The following CLNK variants were observed in gnomAD, a reference collection of about 807,000 sequenced individuals.
CLNK encodes the protein cytokine dependent hematopoietic cell linker, also known as cytokine-dependent hematopoietic cell linker.
Under a neutral mutation model 68.6 loss-of-function variants are expected in CLNK, and 74 were observed. The observed-to-expected ratio is 1.08, with a 90% CI of 0.89 to 1.31. The LOEUF (loss-of-function observed/expected upper bound fraction) is 1.31, where lower values mean the gene tolerates loss of function less well. Among genes scored for constraint, CLNK ranks in the 50% most tolerant of loss-of-function variants. The pLI, the probability that CLNK is intolerant of heterozygous loss-of-function variation, is 0.00. For missense variants in CLNK, 553 were observed against 515.3 expected, an observed-to-expected ratio of 1.07 and a Z score of -0.71; for synonymous variants, 198 against 172.2, an observed-to-expected ratio of 1.15 and a Z score of -1.17.
chr4:10,514,686 C>T (rs568309472), intron 15 of CLNK, among the ~76,000 whole-genome samples: 2,636 of 150,908 alleles, frequency 0.017, 28 homozygotes, highest in Non-Finnish European at 0.027. Context: ...AGGACATAGG[C>T]GTGGGCAAGG....
At chr4:10,689,745 A>ATTTTTTTTTTTTTTTTTTTT (rs71651341), upstream of CLNK, among the ~76,000 whole-genome samples, 43 of 100,072 alleles carry the variant, frequency 4.3e-4, 6 homozygotes, top group Non-Finnish European at 6.4e-4. Context: ...AAACCCATGC[A>ATTTTTTTTTTTTTTTTTTTT]TTTTTTTTTT....
intron 3 of CLNK, 76 bp from the exon 4 acceptor site, chr4:10,585,031 A>G: frequency 7.9e-6 from 12 of 1,509,736 alleles, no homozygotes; most frequent in Non-Finnish European, 1.0e-5. Flanking sequence ...AGGAACAGGC[A>G]GTCATCAAAC....
intron 2 of CLNK, among the ~76,000 whole-genome samples, chr4:10,631,831 G>A (rs1722902154): frequency 6.6e-6 from 1 of 152,194 alleles, no homozygotes; most frequent in South Asian, 2.1e-4. Context: ...GCTCACACAG[G>A]CAAAAGGATT....
chr4:10,504,085 T>TGCAGG (rs1310940747), intron 17 of CLNK, among the ~76,000 whole-genome samples: 2 of 150,236 alleles, frequency 1.3e-5, no homozygotes, highest in African/African-American at 4.9e-5. Flanking sequence ...CCGGCTCATT[T>TGCAGG]GCAGGGTCTT....
At chr4:10,663,823 G>T (rs1724287389) in intron 2 of CLNK, among the ~76,000 whole-genome samples, 1 of 152,150 alleles carries the variant, frequency 6.6e-6, no homozygotes, top group African/African-American at 2.4e-5. Context: ...GGGCTGATTA[G>T]GCCAAGAGGG....
intron 17 of CLNK, among the ~76,000 whole-genome samples, chr4:10,506,180 T>A (rs1717284834): frequency 6.6e-6 from 1 of 152,224 alleles, no homozygotes; most frequent in South Asian, 2.1e-4. Flanking sequence ...TCATTTGACC[T>A]GATGACAAGT....
chr4:10,498,662 G>A (rs1256023000), intron 18 of CLNK, among the ~76,000 whole-genome samples: 3 of 152,192 alleles, frequency 2.0e-5, no homozygotes, highest in Non-Finnish European at 4.4e-5. Flanking sequence ...CTCAGGAATA[G>A]TAATGAAAAT....
chr4:10,676,555 T>C (rs1412903687), intron 1 of CLNK, among the ~76,000 whole-genome samples: 2 of 152,126 alleles, frequency 1.3e-5, no homozygotes, highest in Non-Finnish European at 2.9e-5. Flanking sequence ...TTTTAAATGA[T>C]TTTGAAAACA....
intron 2 of CLNK, among the ~76,000 whole-genome samples, chr4:10,603,547 A>T (rs905616729): frequency 6.6e-6 from 1 of 152,212 alleles, no homozygotes. Context: ...TGAGACAGAG[A>T]TGACCACGTA....
chr4:10,508,799 A>C (rs998226344), intron 16 of CLNK, among the ~76,000 whole-genome samples: 1 of 152,138 alleles, frequency 6.6e-6, no homozygotes, highest in Non-Finnish European at 1.5e-5. Context: ...GAAGATGGAC[A>C]GTGAAGTTTC....
the CLNK span, among the ~76,000 whole-genome samples, chr4:10,720,122 A>T: frequency 2.6e-5 from 4 of 152,166 alleles, no homozygotes; most frequent in Non-Finnish European, 4.4e-5. Flanking sequence ...GAAACCAATA[A>T]TCTAAGATCC....
At chr4:10,656,331 CAAAAAA>C (rs33941894) in intron 2 of CLNK, among the ~76,000 whole-genome samples, 143 of 89,426 alleles carry the variant, frequency 1.6e-3, no homozygotes, top group African/African-American at 6.5e-3. Flanking sequence ...AATGCCTGAC[CAAAAAA>C]AAAAAAAAAA....
At chr4:10,604,066 C>A (rs2108849272) in intron 2 of CLNK, among the ~76,000 whole-genome samples, 1 of 152,302 alleles carries the variant, frequency 6.6e-6, no homozygotes, top group East Asian at 1.9e-4. Flanking sequence ...GCCAACTGAA[C>A]AAGCTATTCA....
At chr4:10,499,278 C>T (rs1293703201) in intron 18 of CLNK, among the ~76,000 whole-genome samples, 1 of 152,210 alleles carries the variant, frequency 6.6e-6, no homozygotes, top group Non-Finnish European at 1.5e-5. Flanking sequence ...TAAAGGCTCT[C>T]GTGCCCCTTT....
chr4:10,613,339 C>A (rs1361321745), intron 2 of CLNK, among the ~76,000 whole-genome samples: 2 of 152,092 alleles, frequency 1.3e-5, no homozygotes, highest in Non-Finnish European at 2.9e-5. Flanking sequence ...GCACTGGGCA[C>A]ATCAGCTGTG....
chr4:10,513,452 G>T lies in CLNK; in HGVS notation c.906+12C>A, dbSNP rs747424012. Reference sequence around the variant, plus strand: ...ACATCTAGAAGGACTTGGCAGAGAAGTGTCTGCTTACCTTTCTATCAGACC... The same window carrying T: ...ACATCTAGAAGGACTTGGCAGAGAATTGTCTGCTTACCTTTCTATCAGACC... On this transcript the variant is annotated intron_variant, in intron 16 of 18. Transcript: ENST00000226951. 3 of 1,608,042 alleles carry T rather than the reference G, an allele frequency of 1.9e-6. No individual in the cohort carries two copies. In the South Asian group the frequency reaches 3.4e-5, roughly 18 times the overall value.
At chr4:10,624,257 C>A in intron 2 of CLNK, among the ~76,000 whole-genome samples, 1 of 152,188 alleles carries the variant, frequency 6.6e-6, no homozygotes, top group Non-Finnish European at 1.5e-5. Flanking sequence ...AGCAAGATAA[C>A]CTCCAGCCAT....
rs771128258 is a variant in CLNK at position 10,486,663 on chromosome 4, C to G, written c.*3804G>C. 1 of 151,078 alleles carries G rather than the reference C, an allele frequency of 6.6e-6. No individual in the cohort carries two copies. The highest frequency in any genetic ancestry group is 1.5e-5 in the Non-Finnish European group (1 of 67,642). 9.4% of individuals were successfully genotyped at this position (151,078 alleles called of 1,614,324 possible). A position where few individuals can be genotyped will look rare whatever the true frequency, so the allele number is the denominator to read the frequency against. ...CAGCCATGATGCGGTTACTTAAAAACACACACACACACACGCACACAGGCA... is the reference window on the plus strand; with the variant it reads ...CAGCCATGATGCGGTTACTTAAAAAGACACACACACACACGCACACAGGCA... On this transcript the variant is annotated 3_prime_UTR_variant, in exon 19 of 19. Coordinates refer to ENST00000226951, the MANE Select transcript of CLNK (RefSeq NM_052964.4).
chr4:10,565,707 G>GATA (rs1720081820), intron 6 of CLNK, among the ~76,000 whole-genome samples: 1 of 152,116 alleles, frequency 6.6e-6, no homozygotes, highest in Non-Finnish European at 1.5e-5. Context: ...AGAGCATCGT[G>GATA]ATAATAACAG....
Sources: allele counts gnomAD v4.1 joint callset (sites outside exome capture counted in the v4.1 genomes callset), GRCh38; gene constraint gnomAD v4.1.1; transcripts MANE v1.5; gene names NCBI Gene and HGNC (gene_info 2026-07-23, HGNC 2026-07-21).